Variants in TPR observed in about 807,000 individuals in gnomAD.
TPR encodes translocated promoter region, nuclear basket protein.
Under a neutral mutation model 316.1 loss-of-function variants are expected in TPR, and 51 were observed. The ratio of observed to expected loss-of-function variants is 0.16; its 90% confidence interval spans 0.13 to 0.20. The LOEUF is 0.20. Among genes scored for constraint, TPR ranks in the 10% least tolerant of loss-of-function variants. The probability of loss-of-function intolerance (pLI) is 1.00; values close to 1 mark genes in which losing one functional copy is unlikely to be tolerated. For missense variants in TPR, 2,272 were observed against 2,754.8 expected (o/e 0.82, Z 3.92); for synonymous variants, 981 against 914.7 (o/e 1.07, Z -1.31).
Position 186,327,220 on chromosome 1 carries a change from A to T in TPR, c.5889+240T>A, listed in dbSNP as rs867516382. Among the ~76,000 whole-genome samples, 12 of 35,352 alleles carry T rather than the reference A, an allele frequency of 3.4e-4. 2 individuals carry two copies. Among genetic ancestry groups the T allele is most frequent in the Non-Finnish European group, 4.4e-4 (9 of 20,458 alleles). The allele number at this position is 35,352 out of a possible 152,430, so 23.2% of individuals were successfully genotyped here. A position where few individuals can be genotyped will look rare whatever the true frequency, so the allele number is the denominator to read the frequency against. ...TATATTTATATATATAATATATATAAATATATAATATATATTTATATATAT... is the reference window on the plus strand; with the variant it reads ...TATATTTATATATATAATATATATATATATATAATATATATTTATATATAT... On this transcript the variant is annotated intron_variant, in intron 40 of 50. Transcript: ENST00000367478.
intron 3 of TPR, among the ~76,000 whole-genome samples, chr1:186,370,442 G>A (rs377110153): frequency 6.6e-6 from 1 of 151,990 alleles, no homozygotes; most frequent in African/African-American, 2.4e-5. Context: ...GGTATACTAC[G>A]AGGCTTTTTT....
At chr1:186,345,769 A>T in intron 23 of TPR, 73 bp from the exon 24 acceptor site, 2 of 1,075,920 alleles carry the variant, frequency 1.9e-6, no homozygotes, top group Non-Finnish European at 2.7e-6. Context: ...TTGTAGTGTT[A>T]CTAAATTGAA....
chr1:186,357,649 T>C (rs778879703), intron 13 of TPR, 26 bp from the exon 14 acceptor site: 8 of 1,583,608 alleles, frequency 5.1e-6, no homozygotes, highest in Non-Finnish European at 6.0e-6. Flanking sequence ...TAATATGTTA[T>C]AAAATAGTAT....
Position 186,339,194 on chromosome 1 carries a change from C to G in TPR, c.4151+448G>C, listed in dbSNP as rs1240237005. Among the ~76,000 whole-genome samples the G allele has an allele frequency of 2.0e-5, 3 of 152,064 alleles. No homozygotes were observed. In the East Asian group the frequency reaches 5.8e-4, roughly 29 times the overall value. ...CCTGTAATCCCAGCACTTAGGGAGG[C>G]AGAAGTGGGAGGACAGCTTGAGCCC... On this transcript the variant is annotated intron_variant, in intron 30 of 50. Coordinates refer to ENST00000367478, the MANE Select transcript of TPR (RefSeq NM_003292.3).
intron 35 of TPR, among the ~76,000 whole-genome samples, 174 bp from the exon 36 acceptor site, chr1:186,334,707 C>T (rs563974746): frequency 2.0e-5 from 3 of 152,120 alleles, no homozygotes; most frequent in Non-Finnish European, 4.4e-5. Flanking sequence ...CAGAGTGGTG[C>T]ATCCTGACAA....
chr1:186,373,326 G>A lies in TPR; in HGVS notation c.256+33C>T, dbSNP rs368152111. The A allele has an allele frequency of 3.2e-5, 48 of 1,515,252 alleles. No homozygotes were observed. In the African/African-American group the frequency reaches 4.4e-4, roughly 14 times the overall value. The allele number at this position is 1,515,252 out of a possible 1,614,324, so 93.9% of individuals were successfully genotyped here. ...GAGTCTCTGAAGATTTCGATACTCC[G>A]AGAATACTTACAAAGATGAATTAAA... is the stretch of plus-strand genomic sequence containing the variant. On this transcript the variant is annotated intron_variant, in intron 2 of 50. Transcript: ENST00000367478.
intron 13 of TPR, 107 bp downstream of exon 13, chr1:186,358,436 T>G (rs1358629650): frequency 1.2e-5 from 9 of 774,984 alleles, no homozygotes; most frequent in Non-Finnish European, 1.8e-5. Context: ...CCTAATTAAT[T>G]AGAATTTCAT....
Position 186,333,273 on chromosome 1 carries a change from T to C in TPR, c.5304A>G (p.Gln1768=), listed in dbSNP as rs1282991418. ...SISQPILTVQ[Q]QTQATAFVQP... is the part of the protein sequence containing the mutation. ...GCACAAAAGCTGTAGCCTGTGTTTGTTGCTGAACAGTTAAAATAGGTTGAG... is the reference window on the plus strand; with the variant it reads ...GCACAAAAGCTGTAGCCTGTGTTTGCTGCTGAACAGTTAAAATAGGTTGAG... The change falls in exon 37 of 51, where the codon CAA becomes CAG. Residue 1768 remains glutamine, a synonymous_variant. Coordinates refer to ENST00000367478, the MANE Select transcript of TPR (RefSeq NM_003292.3). The C allele has an allele frequency of 2.5e-6, 4 of 1,613,744 alleles. No homozygotes were observed. Among genetic ancestry groups the C allele is most frequent in the Non-Finnish European group, 3.4e-6 (4 of 1,179,718 alleles).
At chr1:186,374,695 T>C (rs916686789) in intron 1 of TPR, among the ~76,000 whole-genome samples, 183 bp downstream of exon 1, 2 of 151,588 alleles carry the variant, frequency 1.3e-5, no homozygotes, top group East Asian at 1.9e-4. Flanking sequence ...TAGATTCAGA[T>C]TTTTTTTTCA....
chr1:186,362,410 G>C, intron 6 of TPR, 30 bp from the exon 7 acceptor site: 2 of 1,545,322 alleles, frequency 1.3e-6, no homozygotes, highest in Non-Finnish European at 1.8e-6. Context: ...CAGGGGGAAA[G>C]GATGTCATAT....
chr1:186,371,146 C>T, intron 2 of TPR, 103 bp from the exon 3 acceptor site: 1 of 896,784 alleles, frequency 1.1e-6, no homozygotes, highest in Non-Finnish European at 1.7e-6. Flanking sequence ...AATGAAAAAA[C>T]AGAAGCCCAG....
In TPR at chr1:186,333,160, A is replaced by G; in HGVS notation, c.5417T>C (p.Val1806Ala). 4.3e-6 allele frequency: 7 copies of G among 1,613,514 alleles called. No individual in the cohort carries two copies. The highest frequency in any genetic ancestry group is 5.9e-6 in the Non-Finnish European group (7 of 1,179,616). Residue 1806 changes from valine (V) to alanine (A), a missense_variant, in exon 37 of 51, where the codon GTT becomes GCT. Val to Ala is a moderately conservative substitution (Grantham distance 64). This residue lies in a region of TPR where 435 missense variants were observed against 461.1 expected (regional missense o/e 0.94). Transcript: ENST00000367478. ...NIVEVVQSSP[V>A]ERPSTSTAVF... The stretch of plus-strand genomic sequence containing the variant: ...TGCTGTGGAAGTAGAAGGCCGCTCA[A>G]CTGGTGAACTCTGAACAACCTCTAC...
In TPR at chr1:186,371,058, T is replaced by A. The variant is rs1558042840; in HGVS notation, c.257-15A>T. ...CAGTTGATTGTCTGGATAAAAGGAA[T>A]TTTATGAATACATACACATTTGCTT... is the stretch of plus-strand genomic sequence containing the variant. On this transcript the variant is annotated splice_polypyrimidine_tract_variant and intron_variant, in intron 2 of 50. Coordinates refer to ENST00000367478, the MANE Select transcript of TPR (RefSeq NM_003292.3). The A allele has an allele frequency of 1.9e-6, 3 of 1,602,212 alleles. No individual in the cohort carries two copies. Among genetic ancestry groups the A allele is most frequent in the Non-Finnish European group, 2.6e-6 (3 of 1,170,116 alleles).
rs1162251572 is a variant in TPR at position 186,320,493 on chromosome 1, GGAA to G, written c.6462-78_6462-76del. 1.8e-5 allele frequency: 22 copies of G among 1,217,808 alleles called. No homozygotes were observed. In the African/African-American group the frequency reaches 3.2e-4, roughly 18 times the overall value. The allele number at this position is 1,217,808 out of a possible 1,614,324, so 75.4% of individuals were successfully genotyped here. On this transcript the variant is annotated intron_variant, in intron 45 of 50. Transcript: ENST00000367478. ...AAACCACAATGGTGAAAAAAATATA[GGAA>G]GAAGGAAGAATGAACATCAACAAAC...
chr1:186,339,591 A>C (rs1658445817), intron 30 of TPR, 51 bp downstream of exon 30: 12 of 1,384,142 alleles, frequency 8.7e-6, no homozygotes, highest in Non-Finnish European at 1.1e-5. Flanking sequence ...GTAAATAAGT[A>C]AAATAAACTT....
In TPR at chr1:186,355,645, G is replaced by A; in HGVS notation, c.2012C>T (p.Ala671Val). 6.2e-7 allele frequency: 1 copy of A among 1,614,070 alleles called. No individual in the cohort carries two copies. The highest frequency in any genetic ancestry group is 8.5e-7 in the Non-Finnish European group (1 of 1,180,008). ...AGGTGTGATCTTTACCTGTTTAAGG[G>A]CAGCCTTAGCCTCTATAGCCTCTGT... Reference protein sequence around the residue: ...ESTEAIEAKAALKQLQEIFEN... With the variant: ...ESTEAIEAKAVLKQLQEIFEN... The change falls in exon 16 of 51, where the codon GCC (alanine) becomes GTC (valine). Residue 671 changes from alanine to valine, a missense_variant. By Grantham distance (64) the Ala-to-Val change is moderately conservative. Coordinates refer to ENST00000367478, the MANE Select transcript of TPR (RefSeq NM_003292.3).
At position 186,314,186 on chromosome 1, in the gene TPR, C is replaced by A. The variant is rs1205506525; in HGVS notation, c.7037-160G>T. 12 of 612,296 alleles carry A rather than the reference C, an allele frequency of 2.0e-5. No homozygotes were observed. In the Admixed American group the frequency reaches 3.6e-4, roughly 19 times the overall value. 37.9% of individuals were successfully genotyped at this position (612,296 alleles called of 1,614,324 possible). Reference sequence around the variant, plus strand: ...TGGAAATTATTACAAGCAGATTAATCCCTCTTTTTGTGACACAAGTACAAT... The same window carrying A: ...TGGAAATTATTACAAGCAGATTAATACCTCTTTTTGTGACACAAGTACAAT... On this transcript the variant is annotated intron_variant, in intron 50 of 50. Transcript: ENST00000367478.
At chr1:186,357,740 CA>C (rs1658193862) in intron 13 of TPR, 117 bp from the exon 14 acceptor site, 4 of 764,452 alleles carry the variant, frequency 5.2e-6, no homozygotes, top group Non-Finnish European at 8.1e-6. Context: ...TGTACTGCCT[CA>C]AATTATCTTT....
Position 186,355,577 on chromosome 1 carries a change from G to C in TPR, c.2023-19C>G. 6.2e-7 allele frequency: 1 copy of C among 1,612,122 alleles called. No homozygotes were observed. The highest frequency in any genetic ancestry group is 8.5e-7 in the Non-Finnish European group (1 of 1,179,654). ...CCTGCAACTAAATATTGGAGATTAT[G>C]AGAAGGTAACACTGTGTTCTCTAAA... is the stretch of plus-strand genomic sequence containing the variant. On this transcript the variant is annotated intron_variant, in intron 16 of 50. Transcript: ENST00000367478.
Sources: allele counts gnomAD v4.1 joint callset (sites outside exome capture counted in the v4.1 genomes callset), GRCh38; gene constraint gnomAD v4.1.1; regional missense constraint gnomAD v4.1.1; transcripts MANE v1.5; gene names NCBI Gene and HGNC (gene_info 2026-07-23, HGNC 2026-07-21).